EVI5L: variants seen among roughly 807,000 people sequenced by gnomAD.
EVI5L encodes EVI5-like protein.
In EVI5L, 30 loss-of-function variants were observed where a neutral mutation model predicts 106.1. The observed-to-expected ratio is 0.28, with a 90% CI of 0.21 to 0.38. The LOEUF is 0.38. Ranked by LOEUF, EVI5L falls within the 10% of genes least tolerant of loss-of-function variation. The probability of loss-of-function intolerance (pLI) is 1.00; values close to 1 mark genes in which losing one functional copy is unlikely to be tolerated. For synonymous variants in EVI5L, 489 were observed against 483.3 expected (o/e 1.01, Z -0.15); for missense variants, 809 against 1,098.0 (o/e 0.74, Z 3.72).
At chr19:7,849,620 G>A (rs138223743) in intron 5 of EVI5L, among the ~76,000 whole-genome samples, 8 of 152,340 alleles carry the variant, frequency 5.3e-5, no homozygotes, top group African/African-American at 1.9e-4. Context: ...CCTCAGGCTG[G>A]GGACTTAAGC....
Position 7,848,012 on chromosome 19 carries a change from G to T in EVI5L, c.327+91G>T. 2.9e-6 allele frequency: 4 copies of T among 1,390,618 alleles called. No homozygotes were observed. The highest frequency in any genetic ancestry group is 3.8e-6 in the Non-Finnish European group (4 of 1,045,950). The allele number at this position is 1,390,618 out of a possible 1,614,324, so 86.1% of individuals were successfully genotyped here. ...ACCAGGCAGCGCCAGGGTCTGCGGG[G>T]CCCCAGCCTGGGCACAGCGGCAGCA... On this transcript the variant is annotated intron_variant, in intron 3 of 19. Coordinates refer to ENST00000538904, the MANE Select transcript of EVI5L (RefSeq NM_001159944.3). This position sits in a 1 kb window ranked among gnomAD's most constrained non-coding sequence, Gnocchi z 4.8.
At chr19:7,831,262 C>G (rs1477573653) in intron 1 of EVI5L, among the ~76,000 whole-genome samples, 1 of 145,526 alleles carries the variant, frequency 6.9e-6, no homozygotes, top group African/African-American at 2.6e-5. Context: ...CACACACACA[C>G]ACACACACAC....
At chr19:7,855,883 G>C (rs1369175407) in intron 10 of EVI5L, 132 bp from the exon 11 acceptor site, 4 of 678,176 alleles carry the variant, frequency 5.9e-6, no homozygotes, top group African/African-American at 5.6e-5. Flanking sequence ...CAGAACGTAA[G>C]ATGCTGGCTG....
At chr19:7,862,930 C>T (rs2146441697) in intron 17 of EVI5L, 42 bp from the exon 18 acceptor site, 1 of 1,364,856 alleles carries the variant, frequency 7.3e-7, no homozygotes, top group Non-Finnish European at 9.9e-7. Context: ...TGCGCCGCGC[C>T]CCCTGACCCG....
chr19:7,849,176 C>G (rs375878447), intron 4 of EVI5L, 31 bp downstream of exon 4: 73 of 1,612,258 alleles, frequency 4.5e-5, no homozygotes, highest in Non-Finnish European at 6.0e-5. Context: ...CTCCCTCGGT[C>G]CCAAAGGAAG....
In EVI5L at chr19:7,862,397, C is replaced by T; in HGVS notation, c.1810C>T (p.His604Tyr). The T allele has an allele frequency of 6.2e-7, 1 of 1,605,264 alleles. No homozygotes were observed. The highest frequency in any genetic ancestry group is 8.5e-7 in the Non-Finnish European group (1 of 1,175,956). ...TTCCTCCCTATCCCAGGACCACATC[C>T]ACCGCAACCTTCTGAACCGCGTGGA... ...VVELETQDHI[H>Y]RNLLNRVEAE... Residue 604 changes from histidine (H) to tyrosine (Y), a missense_variant, in exon 17 of 20, where the codon CAC (histidine) becomes TAC (tyrosine). By Grantham distance (83) the His-to-Tyr change is moderately conservative. Around this residue, in one of 2 missense-constraint regions of EVI5L, gnomAD observed 452 missense variants for 509.9 expected, o/e 0.89. Coordinates refer to ENST00000538904, the MANE Select transcript of EVI5L (RefSeq NM_001159944.3).
Position 7,863,571 on chromosome 19 carries a change from T to C in EVI5L, c.2287T>C (p.Leu763=). 1 of 1,597,458 alleles carries C rather than the reference T, an allele frequency of 6.3e-7. No homozygotes were observed. The highest frequency in any genetic ancestry group is 8.5e-7 in the Non-Finnish European group (1 of 1,172,952). ...CGTGGGCGCTGCCCTGCAGGACGCA[T>C]TGTACCCTCTGTCCCCGCGCGATGC... ...VGVGAALQDA[L]YPLSPRDARF... The change falls in exon 20 of 20, where the codon TTG becomes CTG. Residue 763 remains leucine, a synonymous_variant. Transcript: ENST00000538904. This position sits in a 1 kb window ranked among gnomAD's most constrained non-coding sequence, Gnocchi z 7.7.
intron 2 of EVI5L, among the ~76,000 whole-genome samples, chr19:7,847,256 C>T (rs562611049): frequency 8.3e-4 from 126 of 152,174 alleles, no homozygotes; most frequent in Non-Finnish European, 1.5e-3. Context: ...CACGCCACTG[C>T]ACTCCAGTCT....
chr19:7,859,732 T>TG lies in EVI5L; in HGVS notation c.1375-823dup, dbSNP rs1166306288. Reference sequence around the variant, plus strand: ...ACCAGCCACCCCTGAGCTCCAACCTTGGGGGGATGCAGAGATCGGGGAGGC... The same window carrying TG: ...ACCAGCCACCCCTGAGCTCCAACCTTGGGGGGGATGCAGAGATCGGGGAGGC... On this transcript the variant is annotated intron_variant, in intron 13 of 19. Coordinates refer to ENST00000538904, the MANE Select transcript of EVI5L (RefSeq NM_001159944.3). 5.3e-5 allele frequency among the ~76,000 whole-genome samples: 8 copies of TG among 152,184 alleles called. No homozygotes were observed. The East Asian group carries it at 1.4e-3, about 26-fold the overall frequency.
rs1192050257 is a variant in EVI5L at position 7,835,789 on chromosome 19, A to C, written c.-48+5408A>C. Among the ~76,000 whole-genome samples the C allele has an allele frequency of 6.6e-6, 1 of 152,210 alleles. No individual in the cohort carries two copies. The highest frequency in any genetic ancestry group is 1.5e-5 in the Non-Finnish European group (1 of 68,038). The stretch of plus-strand genomic sequence containing the variant: ...ACCTTGCCAAGGACGAGAGGACCTA[A>C]GGTGCTAGGTTGGGCCATTTCCCCA... On this transcript the variant is annotated intron_variant, in intron 1 of 19. Coordinates refer to ENST00000538904, the MANE Select transcript of EVI5L (RefSeq NM_001159944.3). The surrounding 1 kb of genome is among the most constrained non-coding windows in gnomAD (Gnocchi z 4.1).
At position 7,853,079 on chromosome 19, in the gene EVI5L, C is replaced by A. The variant is rs371830480; in HGVS notation, c.988-7C>A. On this transcript the variant is annotated splice_region_variant and splice_polypyrimidine_tract_variant and intron_variant, in intron 8 of 19. Coordinates refer to ENST00000538904, the MANE Select transcript of EVI5L (RefSeq NM_001159944.3). ...TGGTGACCAGGTGACCGGCTGTGTC[C>A]CCACAGTACTTCCAGAGAGTGATCC... is the stretch of plus-strand genomic sequence containing the variant. The A allele has an allele frequency of 6.2e-7, 1 of 1,613,602 alleles. No homozygotes were observed. Among genetic ancestry groups the A allele is most frequent in the Non-Finnish European group, 8.5e-7 (1 of 1,179,984 alleles).
At position 7,847,869 on chromosome 19, in the gene EVI5L, G is replaced by A. The variant is rs1979031421; in HGVS notation, c.275G>A (p.Arg92Gln). Residue 92 changes from arginine to glutamine, a missense_variant, in exon 3 of 20, where the codon CGG becomes CAG. Arg to Gln is a conservative substitution (Grantham distance 43). Coordinates refer to ENST00000538904, the MANE Select transcript of EVI5L (RefSeq NM_001159944.3). ...GAGGACACGTGGATCCTGTGGGGCC[G>A]GATCGCCAACGAGTGGGAGGAGTGG... is the stretch of plus-strand genomic sequence containing the variant. ...LEEDTWILWG[R>Q]IANEWEEWRR... The A allele has an allele frequency of 2.5e-6, 4 of 1,594,576 alleles. No individual in the cohort carries two copies. The highest frequency in any genetic ancestry group is 1.7e-5 in the Admixed American group (1 of 57,362).
intron 8 of EVI5L, 41 bp from the exon 9 acceptor site, chr19:7,853,045 C>T (rs1979335343): frequency 6.2e-7 from 1 of 1,609,388 alleles, no homozygotes; most frequent in African/African-American, 1.3e-5. Context: ...GTGGTCAGGG[C>T]CTGCATGTTG....
intron 1 of EVI5L, among the ~76,000 whole-genome samples, chr19:7,839,032 G>T (rs1296333494): frequency 2.0e-5 from 3 of 151,112 alleles, no homozygotes; most frequent in East Asian, 3.9e-4. Flanking sequence ...GCCAGGCACG[G>T]TGGCTCACGC....
Position 7,851,394 on chromosome 19 carries a change from G to GT in EVI5L, c.754-39dup, listed in dbSNP as rs769370802. 5 of 1,586,500 alleles carry GT rather than the reference G, an allele frequency of 3.2e-6. No homozygotes were observed. The African/African-American group carries it at 5.4e-5, about 17-fold the overall frequency. On this transcript the variant is annotated intron_variant, in intron 6 of 19. Transcript: ENST00000538904. ...GCCCAGCACCCCCCGGTGGGAGGGC[G>GT]TCCCCCTCACTGTGCCCACCCGGCC...
intron 14 of EVI5L, among the ~76,000 whole-genome samples, chr19:7,861,315 T>A (rs1397781057): frequency 6.6e-6 from 1 of 152,206 alleles, no homozygotes; most frequent in East Asian, 1.9e-4. Flanking sequence ...CATAGGGAAG[T>A]GTGCCTCCAG....
intron 8 of EVI5L, among the ~76,000 whole-genome samples, chr19:7,852,654 C>T (rs1465746715): frequency 1.3e-5 from 2 of 151,858 alleles, no homozygotes; most frequent in Admixed American, 6.6e-5. Flanking sequence ...TGGGCTGAAG[C>T]GATCCTCCCG....
At chr19:7,851,353 AG>A in intron 6 of EVI5L, 80 bp from the exon 7 acceptor site, 1 of 1,514,948 alleles carries the variant, frequency 6.6e-7, no homozygotes, top group Non-Finnish European at 8.9e-7. Context: ...GGCTCCCTGG[AG>A]GCGGGGACAC....
Position 7,863,675 on chromosome 19 carries a change from G to A in EVI5L, c.2391G>A (p.Ala797=), listed in dbSNP as rs981352591. 12 of 1,526,758 alleles carry A rather than the reference G, an allele frequency of 7.9e-6. No individual in the cohort carries two copies. The highest frequency in any genetic ancestry group is 2.5e-5 in the East Asian group (1 of 40,216). The allele number at this position is 1,526,758 out of a possible 1,614,324, so 94.6% of individuals were successfully genotyped here. A position where few individuals can be genotyped will look rare whatever the true frequency, so the allele number is the denominator to read the frequency against. Residue 797 remains alanine, a synonymous_variant, in exon 20 of 20, where the codon GCG becomes GCA. Transcript: ENST00000538904. This position sits in a 1 kb window ranked among gnomAD's most constrained non-coding sequence, Gnocchi z 7.7. The part of the protein sequence containing the change: ...SSDSDADELA[A]PYSQGLDN ...ACAGCGACGCCGATGAGCTGGCCGC[G>A]CCCTACAGCCAGGGTCTGGACAACT...
Sources: gnomAD v4.1 joint callset for allele counts (sites outside exome capture counted in the v4.1 genomes callset) on GRCh38, gnomAD v4.1.1 for gene constraint, gnomAD v4.1.1 regional missense constraint, Gnocchi (gnomAD v3.1) non-coding constraint, MANE v1.5 for transcripts, NCBI Gene and HGNC (gene_info 2026-07-23, HGNC 2026-07-21) for gene names.